Variants in SH2B2 observed in about 807,000 individuals in gnomAD.
The protein encoded by SH2B2 is SH2B adaptor protein 2.
SH2B2 carries 37 observed loss-of-function variants against 35.7 expected under a neutral mutation model. The observed-to-expected ratio is 1.04, with a 90% CI of 0.80 to 1.36. The LOEUF is 1.36. Among genes scored for constraint, SH2B2 ranks in the 40% most tolerant of loss-of-function variants. SH2B2 has a pLI of 0.00. For missense variants in SH2B2, 852 were observed against 817.7 expected (o/e 1.04, Z -0.51); for synonymous variants, 383 against 376.4 (o/e 1.02, Z -0.20).
At chr7:102,304,091 C>CA (rs1793300794) in intron 2 of SH2B2, among the ~76,000 whole-genome samples, 2 of 152,084 alleles carry the variant, frequency 1.3e-5, no homozygotes, top group South Asian at 4.1e-4. Flanking sequence ...GACAGGCTCC[C>CA]AGGGTGAGTG....
At chr7:102,299,613 GT>G (rs1443639834) in intron 1 of SH2B2, among the ~76,000 whole-genome samples, 1 of 152,180 alleles carries the variant, frequency 6.6e-6, no homozygotes, top group African/African-American at 2.4e-5. Context: ...AGGAAAAATA[GT>G]TATGCGAATC....
At chr7:102,296,329 C>T (rs1356005011) in intron 1 of SH2B2, among the ~76,000 whole-genome samples, 2 of 152,286 alleles carry the variant, frequency 1.3e-5, no homozygotes, top group Non-Finnish European at 2.9e-5. Context: ...CCAGGAGCTG[C>T]GAGGGAGGGG....
chr7:102,320,912 C>T (rs1794030114), intron 8 of SH2B2, among the ~76,000 whole-genome samples: 1 of 152,100 alleles, frequency 6.6e-6, no homozygotes, highest in Non-Finnish European at 1.5e-5. Flanking sequence ...CATGCGTGTG[C>T]TTGTGTGTGT....
rs1793748023 is a variant in SH2B2, at chr7:102,314,593, T to C, written c.1097T>C (p.Val366Ala). ...TAPHSRGRDA[V>A]RESLIHVPLE... is the part of the protein sequence containing the mutation. ...CCCCACAGCCGAGGTCGAGATGCCG[T>C]CAGAGAATCCCTGATCCACGTCCCG... is the stretch of plus-strand genomic sequence containing the variant. Residue 366 changes from valine to alanine, a missense_variant, in exon 6 of 9, where the codon GTC becomes GCC. Physicochemically the swap from Val to Ala is moderately conservative, Grantham distance 64. Transcript: ENST00000444095. The C allele has an allele frequency of 5.0e-6, 2 of 398,234 alleles. No individual in the cohort carries two copies. Among genetic ancestry groups the C allele is most frequent in the Admixed American group, 4.4e-5 (1 of 22,656 alleles). 24.7% of individuals were successfully genotyped at this position (398,234 alleles called of 1,614,324 possible).
Position 102,301,195 on chromosome 7 carries a change from G to T in SH2B2, c.645G>T (p.Ser215=). 6.3e-7 allele frequency: 1 copy of T among 1,588,246 alleles called. No individual in the cohort carries two copies. Among genetic ancestry groups the T allele is most frequent in the Admixed American group, 1.8e-5 (1 of 56,540 alleles). Residue 215 remains serine, a synonymous_variant, in exon 2 of 9, where the codon TCG becomes TCT. Transcript: ENST00000444095. ...ADDAAAGSGG[S]AQWQKCRLLL... The stretch of plus-strand genomic sequence containing the variant: ...ACGCGGCCGCGGGCTCCGGGGGCTC[G>T]GCTCAGTGGCAGAAGTGCCGCCTGC...
intron 1 of SH2B2, among the ~76,000 whole-genome samples, chr7:102,295,602 A>G (rs147887128): frequency 5.6e-4 from 85 of 152,310 alleles, no homozygotes; most frequent in East Asian, 3.9e-4. Flanking sequence ...GGAGACAGCC[A>G]TGAGGACAGA....
intron 7 of SH2B2, among the ~76,000 whole-genome samples, chr7:102,319,113 C>A (rs564972317): frequency 6.6e-6 from 1 of 152,336 alleles, no homozygotes; most frequent in African/African-American, 2.4e-5. Flanking sequence ...AGCTTACATA[C>A]CTCCTGGGAG....
chr7:102,317,324 T>C lies in SH2B2; in HGVS notation c.1324T>C (p.Phe442Leu). ...AGGGGGGCCCCGGAACCACGGCCTCTTCGTGATCCGCCAAAGTGAGACTCG... is the reference window on the plus strand; with the variant it reads ...AGGGGGGCCCCGGAACCACGGCCTCCTCGTGATCCGCCAAAGTGAGACTCG... Reference protein sequence around the residue: ...LAGGPRNHGLFVIRQSETRPG... With the variant: ...LAGGPRNHGLLVIRQSETRPG... Residue 442 changes from phenylalanine (F) to leucine (L), a missense_variant, in exon 7 of 9, where the codon TTC becomes CTC. By Grantham distance (22) the Phe-to-Leu change is conservative (BLOSUM62 0). Around this residue, in one of 3 missense-constraint regions of SH2B2, gnomAD observed 556 missense variants for 514.5 expected, o/e 1.08. Coordinates refer to ENST00000444095, the MANE Select transcript of SH2B2 (RefSeq NM_001359228.2). 1 of 1,612,870 alleles carries C rather than the reference T, an allele frequency of 6.2e-7. No homozygotes were observed. Among genetic ancestry groups the C allele is most frequent in the Non-Finnish European group, 8.5e-7 (1 of 1,178,980 alleles).
intron 1 of SH2B2, among the ~76,000 whole-genome samples, chr7:102,288,975 A>G (rs1201863996): frequency 2.6e-5 from 4 of 152,130 alleles, no homozygotes; most frequent in Non-Finnish European, 5.9e-5. Context: ...GCTCATTCTT[A>G]CTGTCCAAGT....
rs549905966 is a variant in SH2B2 at position 102,319,083 on chromosome 7, A to C, written c.1396-1248A>C. ...GGCCTGATAAGTAAATGGTGGGACA[A>C]AGCAGGAACCCCAGCCTCCAGCTTA... On this transcript the variant is annotated intron_variant, in intron 7 of 8. Transcript: ENST00000444095. 2.6e-5 allele frequency among the ~76,000 whole-genome samples: 4 copies of C among 152,280 alleles called. No individual in the cohort carries two copies. The South Asian group carries it at 8.3e-4, about 32-fold the overall frequency.
intron 2 of SH2B2, 137 bp from the exon 3 acceptor site, chr7:102,306,584 G>T: frequency 1.5e-6 from 1 of 656,802 alleles, no homozygotes; most frequent in Admixed American, 2.5e-5. Context: ...TCTGTGAAAT[G>T]GGGATTGGGA....
At chr7:102,316,573 C>T (rs1295735959) in intron 6 of SH2B2, among the ~76,000 whole-genome samples, 1 of 148,584 alleles carries the variant, frequency 6.7e-6, no homozygotes, top group Non-Finnish European at 1.5e-5. Flanking sequence ...GGCAACAGAG[C>T]AAGACTCTGT....
Position 102,300,502 on chromosome 7 carries a change from C to A in SH2B2, c.-29-20C>A, listed in dbSNP as rs1793102313. 2.6e-6 allele frequency: 4 copies of A among 1,515,200 alleles called. No homozygotes were observed. The highest frequency in any genetic ancestry group is 3.5e-6 in the Non-Finnish European group (4 of 1,135,198). 93.9% of individuals were successfully genotyped at this position (1,515,200 alleles called of 1,614,324 possible). A position where few individuals can be genotyped will look rare whatever the true frequency, so the allele number is the denominator to read the frequency against. On this transcript the variant is annotated intron_variant, in intron 1 of 8. Transcript: ENST00000444095. ...TTGATCACAGGCCTGAAAGTCACTG[C>A]GCGCTCTTCTCGCCCGAAGCCGCAG...
At chr7:102,302,320 C>T (rs1318014810) in intron 2 of SH2B2, among the ~76,000 whole-genome samples, 1 of 152,240 alleles carries the variant, frequency 6.6e-6, no homozygotes, top group East Asian at 1.9e-4. Flanking sequence ...CTGTGTCTGA[C>T]TCCATGGGGC....
chr7:102,296,064 C>T (rs1325567182), intron 1 of SH2B2, among the ~76,000 whole-genome samples: 3 of 152,200 alleles, frequency 2.0e-5, no homozygotes, highest in Non-Finnish European at 2.9e-5. Flanking sequence ...GCAGGAGTCT[C>T]CTAGGAGACC....
At chr7:102,299,196 G>GTTTTTTTTTTTTTTTTTTTTTTTTTT (rs1793046884) in intron 1 of SH2B2, among the ~76,000 whole-genome samples, 1 of 29,132 alleles carries the variant, frequency 3.4e-5, no homozygotes, top group Admixed American at 5.0e-4. Context: ...ACCGCGCCTG[G>GTTTTTTTTTTTTTTTTTTTTTTTTTT]CTTTTTTTTT....
In SH2B2 at chr7:102,321,313, C is replaced by A. The variant is rs1794064942; in HGVS notation, c.1582C>A (p.Pro528Thr). Residue 528 changes from proline (P) to threonine (T), a missense_variant, in exon 9 of 9, where the codon CCC becomes ACC. This residue lies in a region of SH2B2 where 556 missense variants were observed against 514.5 expected (regional missense o/e 1.08). Transcript: ENST00000444095. ...CCTTGTTGCAGAGCCGGGCCCCACG[C>A]CCCCTGCCGCGCCCGCGTCCCCGGC... ...QDPPPEPGPT[P>T]PAAPASPACW... The A allele has an allele frequency of 7.0e-6, 10 of 1,421,388 alleles. No individual in the cohort carries two copies. The Admixed American group carries it at 9.0e-5, about 13-fold the overall frequency. The allele number at this position is 1,421,388 out of a possible 1,614,324, so 88.0% of individuals were successfully genotyped here. A position where few individuals can be genotyped will look rare whatever the true frequency, so the allele number is the denominator to read the frequency against.
intron 1 of SH2B2, among the ~76,000 whole-genome samples, chr7:102,287,393 G>A (rs1242379008): frequency 1.3e-5 from 2 of 152,188 alleles, no homozygotes; most frequent in Admixed American, 6.5e-5. Flanking sequence ...TAGGGCCCCG[G>A]CCGGGTAGTG....
At chr7:102,320,212 G>GC (rs1554558036) in intron 7 of SH2B2, 119 bp from the exon 8 acceptor site, 1 of 838,498 alleles carries the variant, frequency 1.2e-6, no homozygotes, top group African/African-American at 1.7e-5. Context: ...GGGGCCCCCG[G>GC]CCCTGACACA....
Sources: allele counts gnomAD v4.1 joint callset (sites outside exome capture counted in the v4.1 genomes callset), GRCh38; gene constraint gnomAD v4.1.1; regional missense constraint gnomAD v4.1.1; transcripts MANE v1.5; gene names NCBI Gene and HGNC (gene_info 2026-07-23, HGNC 2026-07-21).